Variants in ANGPTL1 observed in about 807,000 individuals in gnomAD.
ANGPTL1 encodes the protein angiopoietin like 1.
A neutral mutation model predicts 46.7 loss-of-function variants in ANGPTL1; 36 were observed. The observed-to-expected ratio is 0.77, with a 90% CI of 0.59 to 1.02. The LOEUF (loss-of-function observed/expected upper bound fraction) is 1.02. Ranked by LOEUF, ANGPTL1 falls within the 50% of genes least tolerant of loss-of-function variation. ANGPTL1 has a pLI of 0.00. For missense variants in ANGPTL1, 571 were observed against 594.7 expected, an observed-to-expected ratio of 0.96 and a Z score of 0.41; for synonymous variants, 221 against 204.3, an observed-to-expected ratio of 1.08 and a Z score of -0.69.
Position 178,852,814 on chromosome 1 carries a change from A to T in ANGPTL1, c.1157T>A (p.Phe386Tyr). 1 of 1,613,930 alleles carries T rather than the reference A, an allele frequency of 6.2e-7. No individual in the cohort carries two copies. Among genetic ancestry groups the T allele is most frequent in the Non-Finnish European group, 8.5e-7 (1 of 1,179,880 alleles). Residue 386 changes from phenylalanine to tyrosine, a missense_variant, in exon 5 of 6, where the codon TTT becomes TAT. Physicochemically the swap from Phe to Tyr is conservative, Grantham distance 22. Transcript: ENST00000234816. ...DKKVYAEYSS[F>Y]RLEPESEFYR... ...GAATTCACTTTCAGGTTCCAGACGA[A>T]AGCTGCTGTATTCTGCATAGACTTT...
intron 3 of ANGPTL1, among the ~76,000 whole-genome samples, chr1:178,856,912 G>A (rs1657623962): frequency 6.6e-6 from 1 of 152,152 alleles, no homozygotes; most frequent in Non-Finnish European, 1.5e-5. Context: ...TTCAGCTGCA[G>A]TTACCTGTGG....
At chr1:178,865,870 G>T in intron 2 of ANGPTL1, 68 bp from the exon 3 acceptor site, 1 of 966,652 alleles carries the variant, frequency 1.0e-6, no homozygotes, top group Non-Finnish European at 1.5e-6. Context: ...GTTAAAGTCA[G>T]TAATCTTAAA....
intron 3 of ANGPTL1, among the ~76,000 whole-genome samples, chr1:178,856,135 C>T (rs1174483335): frequency 6.9e-6 from 1 of 144,174 alleles, no homozygotes; most frequent in Non-Finnish European, 1.5e-5. Context: ...AATTTCTGTA[C>T]TATAAGGAGA....
At chr1:178,853,836 A>T (rs750790577) in intron 3 of ANGPTL1, 49 bp from the exon 4 acceptor site, 17 of 1,428,758 alleles carry the variant, frequency 1.2e-5, no homozygotes, top group Non-Finnish European at 1.3e-5. Flanking sequence ...ATGAGAAGAG[A>T]CATGTTAAAA....
At chr1:178,855,842 C>T (rs1417810428) in intron 3 of ANGPTL1, among the ~76,000 whole-genome samples, 1 of 151,242 alleles carries the variant, frequency 6.6e-6, no homozygotes, top group South Asian at 2.1e-4. Flanking sequence ...TAACTAGACA[C>T]ATCACAGGAA....
intron 3 of ANGPTL1, among the ~76,000 whole-genome samples, chr1:178,859,473 G>A (rs1408231614): frequency 2.1e-5 from 3 of 140,754 alleles, no homozygotes; most frequent in Non-Finnish European, 3.0e-5. Flanking sequence ...TCACGATCTC[G>A]GCTCACTGCA....
At chr1:178,860,980 T>C (rs1318463360) in intron 3 of ANGPTL1, among the ~76,000 whole-genome samples, 1 of 152,166 alleles carries the variant, frequency 6.6e-6, no homozygotes, top group Admixed American at 6.5e-5. Context: ...CTATTTGTTG[T>C]TGCTTGTAGT....
rs1185056430 is a variant in ANGPTL1, at chr1:178,851,125, C to G, written c.*4G>C. 2.5e-6 allele frequency: 4 copies of G among 1,609,864 alleles called. No homozygotes were observed. The highest frequency in any genetic ancestry group is 2.7e-5 in the African/African-American group (2 of 74,694). On this transcript the variant is annotated 3_prime_UTR_variant, in exon 6 of 6. Transcript: ENST00000234816. ...GTGTCATTTAAATTGGCGAGTGTCT[C>G]TCTTCAGTCAATAGGCTTGATCATC...
In ANGPTL1 at chr1:178,850,815, GTTAT is replaced by G. The variant is rs1282096711; in HGVS notation, c.*310_*313del. On this transcript the variant is annotated 3_prime_UTR_variant, in exon 6 of 6. Transcript: ENST00000234816. ...ATAAATTGTTAAGTATCTTGAACATGTTATTTATGATTTAAAATATAGCTAAGAT... is the reference window on the plus strand; with the variant it reads ...ATAAATTGTTAAGTATCTTGAACATGTTATGATTTAAAATATAGCTAAGAT... 1.5e-5 allele frequency: 3 copies of G among 194,418 alleles called. No individual in the cohort carries two copies. The highest frequency in any genetic ancestry group is 3.1e-5 in the Non-Finnish European group (3 of 96,706). 12.0% of individuals were successfully genotyped at this position (194,418 alleles called of 1,614,324 possible).
At position 178,869,747 on chromosome 1, in the gene ANGPTL1, A is replaced by G. The variant is rs527906481; in HGVS notation, c.-136-524T>C. Among the ~76,000 whole-genome samples the G allele has an allele frequency of 3.3e-5, 5 of 152,274 alleles. No individual in the cohort carries two copies. The East Asian group carries it at 7.7e-4, about 23-fold the overall frequency. On this transcript the variant is annotated intron_variant, in intron 1 of 5. Coordinates refer to ENST00000234816, the MANE Select transcript of ANGPTL1 (RefSeq NM_004673.4). ...ATTTGCTTGTTCAAGATTCTTAACCATTAATATCTTTAATTTTTACAAGGC... is the reference window on the plus strand; with the variant it reads ...ATTTGCTTGTTCAAGATTCTTAACCGTTAATATCTTTAATTTTTACAAGGC...
At position 178,851,298 on chromosome 1, in the gene ANGPTL1, TGAA is replaced by T. The variant is rs749577609; in HGVS notation, c.1304_1306del (p.Phe435_His436delinsTyr). The T allele has an allele frequency of 1.2e-6, 2 of 1,611,342 alleles. No individual in the cohort carries two copies. Among genetic ancestry groups the T allele is most frequent in the Non-Finnish European group, 1.7e-6 (2 of 1,179,088 alleles). On this transcript the variant is annotated inframe_deletion, in exon 6 of 6. Coordinates refer to ENST00000234816, the MANE Select transcript of ANGPTL1 (RefSeq NM_004673.4). Reference sequence around the variant, plus strand: ...GGCATTGTACCACCAGCCTCCTTTATGAAAGTGGGCGCAGTTTCCTTTGAGGAA... The same window carrying T: ...GGCATTGTACCACCAGCCTCCTTTATAGTGGGCGCAGTTTCCTTTGAGGAA...
intron 3 of ANGPTL1, among the ~76,000 whole-genome samples, chr1:178,860,760 A>T (rs895327562): frequency 6.6e-6 from 1 of 152,166 alleles, no homozygotes; most frequent in Non-Finnish European, 1.5e-5. Context: ...CACCTTATGC[A>T]TGTGGAGACT....
At chr1:178,867,094 T>A (rs1382873634) in intron 2 of ANGPTL1, among the ~76,000 whole-genome samples, 1 of 152,154 alleles carries the variant, frequency 6.6e-6, no homozygotes, top group African/African-American at 2.4e-5. Flanking sequence ...AATTTCCACA[T>A]AAGTACCTGT....
chr1:178,851,333 CAGATATAAATGT>C lies in ANGPTL1; in HGVS notation c.1289-29_1289-18del. On this transcript the variant is annotated intron_variant, in intron 5 of 5. Coordinates refer to ENST00000234816, the MANE Select transcript of ANGPTL1 (RefSeq NM_004673.4). ...CGCAGTTTCCTTTGAGGAAAAAATA[CAGATATAAATGT>C]AAAAGTTTCTTCTAGGTGTGGTACT... The C allele has an allele frequency of 6.3e-7, 1 of 1,596,806 alleles. No homozygotes were observed. The highest frequency in any genetic ancestry group is 8.5e-7 in the Non-Finnish European group (1 of 1,173,048).
intron 2 of ANGPTL1, among the ~76,000 whole-genome samples, chr1:178,868,688 G>C (rs975440570): frequency 1.3e-5 from 2 of 151,952 alleles, no homozygotes; most frequent in African/African-American, 4.8e-5. Context: ...CAGCTTCCTT[G>C]TGTGTATTCT....
intron 3 of ANGPTL1, among the ~76,000 whole-genome samples, chr1:178,862,478 A>T (rs1159154248): frequency 6.6e-6 from 1 of 152,210 alleles, no homozygotes. Context: ...ATAATTTAAG[A>T]GGGACTATAC....
In ANGPTL1 at chr1:178,865,014, G is replaced by C. The variant is rs1031757461; in HGVS notation, c.763C>G (p.Leu255Val). ...GGGCTTTTGGTGGGAGAAGTTGCCAGATCAGGTGGTGGCATTAAATCTCTG... is the reference window on the plus strand; with the variant it reads ...GGGCTTTTGGTGGGAGAAGTTGCCACATCAGGTGGTGGCATTAAATCTCTG... ...YPRDLMPPPD[L>V]ATSPTKSPFK... Residue 255 changes from leucine (L) to valine (V), a missense_variant, in exon 3 of 6, where the codon CTG (leucine) becomes GTG (valine). Coordinates refer to ENST00000234816, the MANE Select transcript of ANGPTL1 (RefSeq NM_004673.4). 2.2e-5 allele frequency: 32 copies of C among 1,480,788 alleles called. No homozygotes were observed. Among genetic ancestry groups the C allele is most frequent in the Non-Finnish European group, 2.8e-5 (31 of 1,115,930 alleles). The allele number at this position is 1,480,788 out of a possible 1,614,324, so 91.7% of individuals were successfully genotyped here.
In ANGPTL1 at chr1:178,865,336, A is replaced by G. The variant is rs1658327170; in HGVS notation, c.441T>C (p.Asn147=). The change falls in exon 3 of 6, where the codon AAT becomes AAC. Residue 147 remains asparagine, a synonymous_variant. Coordinates refer to ENST00000234816, the MANE Select transcript of ANGPTL1 (RefSeq NM_004673.4). ...TTTCCAGTTGGGAAAGTTCAAGTGA[A>G]TTATCCCTCTTACGGATAATCTCAT... The part of the protein sequence containing the change: ...LLHEIIRKRD[N]SLELSQLENK... The G allele has an allele frequency of 5.6e-6, 9 of 1,614,082 alleles. No individual in the cohort carries two copies. Among genetic ancestry groups the G allele is most frequent in the Non-Finnish European group, 7.6e-6 (9 of 1,179,986 alleles).
chr1:178,863,855 C>A (rs1327921255), intron 3 of ANGPTL1, among the ~76,000 whole-genome samples: 1 of 152,184 alleles, frequency 6.6e-6, no homozygotes, highest in Non-Finnish European at 1.5e-5. Flanking sequence ...TATTCACTGA[C>A]AGAGAGATGA....
Sources: allele counts gnomAD v4.1 joint callset (sites outside exome capture counted in the v4.1 genomes callset), GRCh38; gene constraint gnomAD v4.1.1; transcripts MANE v1.5; gene names NCBI Gene and HGNC (gene_info 2026-07-23, HGNC 2026-07-21).